Variants in KRCC1 observed in about 807,000 individuals in gnomAD.
KRCC1 encodes lysine-rich coiled-coil protein 1.
KRCC1 carries 3 observed loss-of-function variants against 7.4 expected under a neutral mutation model. The observed-to-expected ratio is 0.40, with a 90% CI of 0.18 to 1.04. The LOEUF is 1.04. KRCC1 is among the 50% of genes least tolerant of loss of function. The pLI, the probability that KRCC1 is intolerant of heterozygous loss-of-function variation, is 0.33. For missense variants in KRCC1, 277 were observed against 300.9 expected (o/e 0.92, Z 0.59); for synonymous variants, 102 against 101.6 (o/e 1.00, Z -0.02).
rs367544337 is a variant in KRCC1, at chr2:88,028,518, C to G, written c.46G>C (p.Glu16Gln). ...KTYDSFQDEL[E>Q]DYIKVQKARG... ...GCTTTCTGTACTTTAATATAATCTTCAAGTTCATCTTGAAAAGAGTCATAT... is the reference window on the plus strand; with the variant it reads ...GCTTTCTGTACTTTAATATAATCTTGAAGTTCATCTTGAAAAGAGTCATAT... The change falls in exon 4 of 4, where the codon GAA (glutamate) becomes CAA (glutamine). Residue 16 changes from glutamate (E) to glutamine (Q), a missense_variant. By Grantham distance (29) the Glu-to-Gln change is conservative. Transcript: ENST00000347055. 3 of 1,612,778 alleles carry G rather than the reference C, an allele frequency of 1.9e-6. No homozygotes were observed. The highest frequency in any genetic ancestry group is 2.7e-5 in the African/African-American group (2 of 74,734).
chr2:88,031,158 G>A (rs969579747), intron 3 of KRCC1, among the ~76,000 whole-genome samples: 1 of 152,128 alleles, frequency 6.6e-6, no homozygotes, highest in Non-Finnish European at 1.5e-5. Context: ...TATTCCAGAA[G>A]ATGGCACCAT....
chr2:88,028,934 A>T (rs984486876), intron 3 of KRCC1, among the ~76,000 whole-genome samples: 3 of 152,190 alleles, frequency 2.0e-5, no homozygotes, highest in African/African-American at 7.2e-5. Flanking sequence ...TACAGGCATG[A>T]GCCACTGCAC....
Position 88,028,400 on chromosome 2 carries a change from G to A in KRCC1, c.164C>T (p.Thr55Met), listed in dbSNP as rs147560562. ...GAGTCTCTGGTCAAACATTCTATACGTGGGTCTGGAATTAACCTCTCCTTT... is the reference window on the plus strand; with the variant it reads ...GAGTCTCTGGTCAAACATTCTATACATGGGTCTGGAATTAACCTCTCCTTT... ...GYKGEVNSRP[T>M]YRMFDQRLPS... The change falls in exon 4 of 4, where the codon ACG becomes ATG. Residue 55 changes from threonine (T) to methionine (M), a missense_variant. Transcript: ENST00000347055. 137 of 1,613,948 alleles carry A rather than the reference G, an allele frequency of 8.5e-5. No homozygotes were observed. The African/African-American group carries it at 9.6e-4, about 11-fold the overall frequency.
At chr2:88,042,425 CCTCT>C (rs1330698531) in intron 1 of KRCC1, among the ~76,000 whole-genome samples, 1 of 150,858 alleles carries the variant, frequency 6.6e-6, no homozygotes, top group East Asian at 2.0e-4. Flanking sequence ...CCCCACCCCA[CCTCT>C]CTCTTTCTTT....
At chr2:88,035,515 T>C (rs967386783) in intron 2 of KRCC1, among the ~76,000 whole-genome samples, 14 of 152,140 alleles carry the variant, frequency 9.2e-5, no homozygotes, top group Admixed American at 7.2e-4. Context: ...GGGTCCTCTC[T>C]GATGATCATG....
rs566435993 is a variant in KRCC1, at chr2:88,050,850, T to G, written c.-291+4776A>C. Among the ~76,000 whole-genome samples, 8 of 152,204 alleles carry G rather than the reference T, an allele frequency of 5.3e-5. No homozygotes were observed. The South Asian group carries it at 1.4e-3, about 28-fold the overall frequency. On this transcript the variant is annotated intron_variant, in intron 1 of 3. Transcript: ENST00000347055. ...TCTTTTAACTATGGAAACATGGTGT[T>G]TCTTTGGATTTTTGTGATTAATTTT...
intron 3 of KRCC1, among the ~76,000 whole-genome samples, chr2:88,028,870 C>T (rs1470300261): frequency 6.6e-6 from 1 of 152,014 alleles, no homozygotes. Flanking sequence ...AGGCTGGTCT[C>T]AAACTCCTGG....
intron 3 of KRCC1, among the ~76,000 whole-genome samples, chr2:88,029,916 C>T (rs978741127): frequency 5.4e-5 from 8 of 149,022 alleles, no homozygotes; most frequent in African/African-American, 1.7e-4. Flanking sequence ...GGCACGATCT[C>T]GTCTCACTGC....
chr2:88,042,165 A>G (rs887582340), intron 1 of KRCC1, among the ~76,000 whole-genome samples: 4 of 147,650 alleles, frequency 2.7e-5, no homozygotes, highest in Non-Finnish European at 5.9e-5. Context: ...GGTTCACGCC[A>G]TTCTCCTGAC....
At chr2:88,030,173 G>A (rs1672967599) in intron 3 of KRCC1, among the ~76,000 whole-genome samples, 2 of 149,464 alleles carry the variant, frequency 1.3e-5, no homozygotes, top group Admixed American at 1.3e-4. Flanking sequence ...TGGTGATACA[G>A]TTTATCTCAA....
intron 1 of KRCC1, among the ~76,000 whole-genome samples, chr2:88,047,805 AG>A (rs1166328025): frequency 6.6e-6 from 1 of 152,178 alleles, no homozygotes; most frequent in Non-Finnish European, 1.5e-5. Context: ...CTGGGATTAC[AG>A]GCATGAGCCA....
At chr2:88,032,785 T>C (rs374387285) in intron 3 of KRCC1, among the ~76,000 whole-genome samples, 15 of 152,260 alleles carry the variant, frequency 9.9e-5, no homozygotes, top group African/African-American at 3.6e-4. Flanking sequence ...ACGAAAATAA[T>C]TGTAATTCTT....
At chr2:88,046,427 T>C (rs1673335455) in intron 1 of KRCC1, among the ~76,000 whole-genome samples, 1 of 152,212 alleles carries the variant, frequency 6.6e-6, no homozygotes, top group African/African-American at 2.4e-5. Context: ...GATGAACTAT[T>C]TGTATTGTGG....
chr2:88,051,908 T>C (rs1673495511), intron 1 of KRCC1, among the ~76,000 whole-genome samples: 1 of 152,268 alleles, frequency 6.6e-6, no homozygotes, highest in Non-Finnish European at 1.5e-5. Context: ...TCGACACTTC[T>C]GGCATTATGA....
chr2:88,038,248 G>A (rs1322277589), intron 1 of KRCC1, among the ~76,000 whole-genome samples: 1 of 152,182 alleles, frequency 6.6e-6, no homozygotes, highest in African/African-American at 2.4e-5. Flanking sequence ...CTTTCCTGGA[G>A]AAGAGGGAAA....
chr2:88,047,965 A>G (rs557087399), intron 1 of KRCC1, among the ~76,000 whole-genome samples: 130 of 152,318 alleles, frequency 8.5e-4, no homozygotes, highest in Non-Finnish European at 1.4e-3. Context: ...AAATACACCA[A>G]ATTACTGACA....
At chr2:88,051,793 G>A (rs1205077567) in intron 1 of KRCC1, among the ~76,000 whole-genome samples, 1 of 152,188 alleles carries the variant, frequency 6.6e-6, no homozygotes, top group African/African-American at 2.4e-5. Flanking sequence ...TTAGTACCCA[G>A]CCATGTCAAG....
At chr2:88,042,450 C>A (rs1358227061) in intron 1 of KRCC1, among the ~76,000 whole-genome samples, 1 of 130,356 alleles carries the variant, frequency 7.7e-6, no homozygotes, top group Non-Finnish European at 1.6e-5. Flanking sequence ...CTTTAAAAAA[C>A]CAGAGTCCCT....
At chr2:88,034,761 T>C (rs1673060308) in intron 2 of KRCC1, among the ~76,000 whole-genome samples, 1 of 152,164 alleles carries the variant, frequency 6.6e-6, no homozygotes, top group Non-Finnish European at 1.5e-5. Flanking sequence ...CCTATCTACC[T>C]GTAACTTTGT....
Sources: gnomAD v4.1 joint callset for allele counts (sites outside exome capture counted in the v4.1 genomes callset) on GRCh38, gnomAD v4.1.1 for gene constraint, MANE v1.5 for transcripts, NCBI Gene and HGNC (gene_info 2026-07-23, HGNC 2026-07-21) for gene names.